GABRG1: variants seen among roughly 807,000 people sequenced by gnomAD.
The protein encoded by GABRG1 is gamma-aminobutyric acid receptor subunit gamma-1.
In GABRG1, 49 loss-of-function variants were observed where a neutral mutation model predicts 49.8. The observed-to-expected ratio is 0.98, with a 90% CI of 0.78 to 1.25. The LOEUF is 1.25. GABRG1 is among the 50% of genes most tolerant of loss of function. The pLI is 0.00. For missense variants in GABRG1, 552 were observed against 552.3 expected (o/e 1.00, Z 0.01); for synonymous variants, 232 against 185.1 (o/e 1.25, Z -2.06).
chr4:46,088,795 GTGTGTGTGTT>G (rs1249339173), intron 2 of GABRG1, among the ~76,000 whole-genome samples: 92 of 146,862 alleles, frequency 6.3e-4, no homozygotes, highest in Non-Finnish European at 9.4e-4. Flanking sequence ...AATGGCATGT[GTGTGTGTGTT>G]TGTGTGTGTT....
chr4:46,076,600 CAA>C (rs760448243), intron 3 of GABRG1, among the ~76,000 whole-genome samples: 2 of 151,116 alleles, frequency 1.3e-5, no homozygotes, highest in South Asian at 4.2e-4. Context: ...GGCCAAAAAC[CAA>C]GTTTTAAGTA....
intron 3 of GABRG1, among the ~76,000 whole-genome samples, chr4:46,072,725 A>G (rs942743508): frequency 4.6e-5 from 7 of 152,128 alleles, no homozygotes; most frequent in Non-Finnish European, 1.5e-5. Flanking sequence ...TACACTGAAA[A>G]CATAAGAGTA....
At chr4:46,083,653 T>C (rs1719652161) in intron 3 of GABRG1, among the ~76,000 whole-genome samples, 1 of 151,622 alleles carries the variant, frequency 6.6e-6, no homozygotes, top group African/African-American at 2.4e-5. Flanking sequence ...AGTAAGTCTT[T>C]TTTTTCTCTG....
intron 3 of GABRG1, among the ~76,000 whole-genome samples, chr4:46,074,279 AC>A (rs1053362879): frequency 3.3e-5 from 5 of 152,190 alleles, no homozygotes; most frequent in African/African-American, 1.2e-4. Context: ...GCAAGAGAGA[AC>A]ACTATATTTG....
At position 46,119,807 on chromosome 4, in the gene GABRG1, A is replaced by G. The variant is rs1001937335; in HGVS notation, c.104+4003T>C. Among the ~76,000 whole-genome samples the G allele has an allele frequency of 4.0e-5, 6 of 151,576 alleles. No homozygotes were observed. The Admixed American group carries it at 4.0e-4, about 10-fold the overall frequency. On this transcript the variant is annotated intron_variant, in intron 1 of 8. Transcript: ENST00000295452. ...TCATAAATCTAGGTCTTAGCCATGA[A>G]TAAGCATAAGCTGCATTTAAAAGAC...
At chr4:46,109,915 A>G (rs1009877762) in intron 1 of GABRG1, among the ~76,000 whole-genome samples, 1 of 150,824 alleles carries the variant, frequency 6.6e-6, no homozygotes, top group African/African-American at 2.4e-5. Flanking sequence ...ATTTGTTGAG[A>G]TGTGCTTTAT....
At chr4:46,093,486 A>G (rs1720067088) in intron 2 of GABRG1, among the ~76,000 whole-genome samples, 1 of 152,060 alleles carries the variant, frequency 6.6e-6, no homozygotes, top group Non-Finnish European at 1.5e-5. Context: ...GTTAATGTGT[A>G]TGCAAATATA....
intron 3 of GABRG1, among the ~76,000 whole-genome samples, chr4:46,067,615 AT>A (rs1175221517): frequency 6.6e-6 from 1 of 151,970 alleles, no homozygotes; most frequent in African/African-American, 2.4e-5. Flanking sequence ...TTAAAATTTT[AT>A]TTTTTGCAAC....
At chr4:46,118,225 G>T (rs910170477) in intron 1 of GABRG1, among the ~76,000 whole-genome samples, 1 of 146,084 alleles carries the variant, frequency 6.8e-6, no homozygotes, top group Non-Finnish European at 1.5e-5. Context: ...TCAGATGTAA[G>T]GATATATATT....
chr4:46,088,517 G>C lies in GABRG1; in HGVS notation c.254-4464C>G, dbSNP rs185216149. Among the ~76,000 whole-genome samples the C allele has an allele frequency of 3.6e-3, 549 of 151,960 alleles. 4 individuals are homozygous for C. The highest frequency in any genetic ancestry group is 0.013 in the African/African-American group (526 of 41,498). ...ATCACCAATCACAATGTTGCTCATA[G>C]TACTGGAGTCACTGATAAGACACAT... On this transcript the variant is annotated intron_variant, in intron 2 of 8. Coordinates refer to ENST00000295452, the MANE Select transcript of GABRG1 (RefSeq NM_173536.4).
chr4:46,111,593 T>C (rs976362944), intron 1 of GABRG1, among the ~76,000 whole-genome samples: 10 of 151,286 alleles, frequency 6.6e-5, no homozygotes, highest in Non-Finnish European at 1.2e-4. Flanking sequence ...TTTTAAACTA[T>C]ATGAAAAGGC....
rs535621134 is a variant in GABRG1, at chr4:46,076,007, A to G, written c.321+7979T>C. ...AATAAATTCCTTAACGGGTAAATGT[A>G]CATTATTGTGATGATGGCTACCCTA... On this transcript the variant is annotated intron_variant, in intron 3 of 8. Coordinates refer to ENST00000295452, the MANE Select transcript of GABRG1 (RefSeq NM_173536.4). 2.0e-4 allele frequency among the ~76,000 whole-genome samples: 31 copies of G among 152,052 alleles called. 1 individual carries two copies. The East Asian group carries it at 6.0e-3, about 30-fold the overall frequency.
chr4:46,117,802 ATG>A (rs1720961520), intron 1 of GABRG1, among the ~76,000 whole-genome samples: 1 of 135,140 alleles, frequency 7.4e-6, no homozygotes, highest in African/African-American at 2.8e-5. Flanking sequence ...ATATATACAT[ATG>A]TATACATGTG....
At chr4:46,065,787 A>G (rs910288330) in intron 3 of GABRG1, among the ~76,000 whole-genome samples, 65 of 152,042 alleles carry the variant, frequency 4.3e-4, no homozygotes, top group Non-Finnish European at 2.4e-4. Context: ...CAGTGATGCA[A>G]TCTCGGCTCA....
intron 3 of GABRG1, among the ~76,000 whole-genome samples, chr4:46,068,049 C>T (rs1268840296): frequency 1.3e-5 from 2 of 152,110 alleles, no homozygotes; most frequent in Non-Finnish European, 2.9e-5. Context: ...GCCTCTTCAC[C>T]TGACACAAAT....
chr4:46,086,236 G>A (rs1338340014), intron 2 of GABRG1, among the ~76,000 whole-genome samples: 5 of 151,558 alleles, frequency 3.3e-5, no homozygotes, highest in Admixed American at 2.0e-4. Context: ...AGAACATCCA[G>A]AAAACAGAAA....
At chr4:46,043,624 A>C (rs533340239) in intron 8 of GABRG1, among the ~76,000 whole-genome samples, 17 of 152,178 alleles carry the variant, frequency 1.1e-4, no homozygotes, top group African/African-American at 4.1e-4. Context: ...TAGTTTCTCA[A>C]GAATAGACCC....
At chr4:46,056,151 T>TAAAAAAAAAAAAAAAAAAAAAAAAAAAA (rs1182116080) in intron 7 of GABRG1, among the ~76,000 whole-genome samples, 1 of 9,146 alleles carries the variant, frequency 1.1e-4, no homozygotes, top group Non-Finnish European at 1.6e-4. Context: ...ATAAATAAAT[T>TAAAAAAAAAAAAAAAAAAAAAAAAAAAA]AAAAAAAAAA....
rs200105027 is a variant in GABRG1 at position 46,123,773 on chromosome 4, T to C, written c.104+37A>G. 635 of 1,444,918 alleles carry C rather than the reference T, an allele frequency of 4.4e-4. 2 individuals are homozygous for C. The highest frequency in any genetic ancestry group is 4.5e-4 in the Non-Finnish European group (458 of 1,028,262). 89.5% of individuals were successfully genotyped at this position (1,444,918 alleles called of 1,614,324 possible). A position where few individuals can be genotyped will look rare whatever the true frequency, so the allele number is the denominator to read the frequency against. On this transcript the variant is annotated intron_variant, in intron 1 of 8. Transcript: ENST00000295452. ...AGGGGAATAAGGGGAAAGGGGTAGA[T>C]AGCAAAGAATAGTTTTAAACCCCTG...
Sources: gnomAD v4.1 joint callset for allele counts (sites outside exome capture counted in the v4.1 genomes callset) on GRCh38, gnomAD v4.1.1 for gene constraint, MANE v1.5 for transcripts, NCBI Gene and HGNC (gene_info 2026-07-23, HGNC 2026-07-21) for gene names.